HEMK2: variants seen among roughly 807,000 people sequenced by gnomAD.
HEMK2 encodes the protein methyltransferase HEMK2.
chr21:28,716,410 G>T, the HEMK2 span, among the ~76,000 whole-genome samples: 1 of 152,108 alleles, frequency 6.6e-6, no homozygotes, highest in African/African-American at 2.4e-5. Flanking sequence ...AAATGGAATT[G>T]TGTTCTTGAT....
chr21:28,698,056 T>C, the HEMK2 span, among the ~76,000 whole-genome samples: 2 of 152,222 alleles, frequency 1.3e-5, no homozygotes, highest in Non-Finnish European at 2.9e-5. Flanking sequence ...TATAAGGAGA[T>C]GGATCTCACT....
At chr21:28,823,638 G>A in the HEMK2 span, among the ~76,000 whole-genome samples, 1 of 152,164 alleles carries the variant, frequency 6.6e-6, no homozygotes. Flanking sequence ...CTATAGAGAT[G>A]TATACTGAGC....
chr21:28,628,365 G>A, the HEMK2 span, among the ~76,000 whole-genome samples: 18 of 152,114 alleles, frequency 1.2e-4, no homozygotes, highest in Admixed American at 1.1e-3. Flanking sequence ...GTTAAGAATT[G>A]CTTGTTTTGA....
the HEMK2 span, among the ~76,000 whole-genome samples, chr21:28,759,894 C>T: frequency 2.6e-5 from 4 of 152,238 alleles, no homozygotes; most frequent in South Asian, 2.1e-4. Flanking sequence ...TACCCAGTCT[C>T]GGATATGTCT....
the HEMK2 span, among the ~76,000 whole-genome samples, chr21:28,784,995 A>G: frequency 6.6e-6 from 1 of 152,102 alleles, no homozygotes; most frequent in African/African-American, 2.4e-5. Flanking sequence ...GAGACCATGA[A>G]CCCACTGGGA....
the HEMK2 span, among the ~76,000 whole-genome samples, chr21:28,601,155 C>T: frequency 2.0e-5 from 3 of 152,178 alleles, no homozygotes; most frequent in Non-Finnish European, 4.4e-5. Flanking sequence ...CATCCTCATG[C>T]TCCATCCCAG....
the HEMK2 span, among the ~76,000 whole-genome samples, chr21:28,827,010 T>C: frequency 5.9e-5 from 9 of 152,014 alleles, no homozygotes; most frequent in South Asian, 2.1e-4. Flanking sequence ...GTGGAGAAGA[T>C]TGAAAATCTC....
the HEMK2 span, among the ~76,000 whole-genome samples, chr21:28,712,978 T>C: frequency 6.6e-6 from 1 of 152,158 alleles, no homozygotes; most frequent in Non-Finnish European, 1.5e-5. Context: ...GAAAATAAGA[T>C]TTTAGGCAAA....
chr21:28,634,449 G>A, the HEMK2 span, among the ~76,000 whole-genome samples: 6 of 152,166 alleles, frequency 3.9e-5, no homozygotes, highest in South Asian at 2.1e-4. Flanking sequence ...GGATATGCAC[G>A]CATAGCACAG....
chr21:28,618,799 CTTA>C, the HEMK2 span, among the ~76,000 whole-genome samples: 4 of 152,278 alleles, frequency 2.6e-5, no homozygotes, highest in East Asian at 1.9e-4. Flanking sequence ...ACTTTTTACA[CTTA>C]TTAGTGTGAC....
At chr21:28,761,974 C>T in the HEMK2 span, among the ~76,000 whole-genome samples, 1 of 152,186 alleles carries the variant, frequency 6.6e-6, no homozygotes, top group African/African-American at 2.4e-5. Context: ...TGATATACTT[C>T]CAAATGTGTT....
chr21:28,705,736 G>A, the HEMK2 span, among the ~76,000 whole-genome samples: 1 of 152,122 alleles, frequency 6.6e-6, no homozygotes, highest in African/African-American at 2.4e-5. Context: ...GTGTCTGCAG[G>A]ACTGTGTTCC....
chr21:28,735,506 G>A, the HEMK2 span, among the ~76,000 whole-genome samples: 1 of 152,078 alleles, frequency 6.6e-6, no homozygotes, highest in East Asian at 1.9e-4. Flanking sequence ...AGACAGTCAG[G>A]GTATGTCAAG....
chr21:28,581,257 G>A, the HEMK2 span, among the ~76,000 whole-genome samples: 2 of 151,626 alleles, frequency 1.3e-5, no homozygotes, highest in Non-Finnish European at 2.9e-5. Context: ...AGGCAGCAAG[G>A]AACAAAAGAA....
the HEMK2 span, among the ~76,000 whole-genome samples, chr21:28,755,026 T>TA: frequency 2.6e-5 from 4 of 152,038 alleles, no homozygotes; most frequent in African/African-American, 4.8e-5. Context: ...TCAGAGTAGA[T>TA]AGAGTTGGCC....
the HEMK2 span, among the ~76,000 whole-genome samples, chr21:28,602,923 C>G: frequency 6.6e-6 from 1 of 152,184 alleles, no homozygotes; most frequent in Non-Finnish European, 1.5e-5. Flanking sequence ...ATCCCTTTTG[C>G]CATTTCTGTA....
chr21:28,876,780 G>A, the HEMK2 span, among the ~76,000 whole-genome samples: 3 of 152,074 alleles, frequency 2.0e-5, no homozygotes, highest in Non-Finnish European at 4.4e-5. Flanking sequence ...ATTATAGCAA[G>A]TGATCAGTTT....
At chr21:28,857,269 C>A in the HEMK2 span, among the ~76,000 whole-genome samples, 9 of 150,846 alleles carry the variant, frequency 6.0e-5, no homozygotes, top group Admixed American at 1.3e-4. Context: ...TAAAAAAAAA[C>A]ACAAACTACA....
chr21:28,734,881 C>T, the HEMK2 span, among the ~76,000 whole-genome samples: 1 of 152,202 alleles, frequency 6.6e-6, no homozygotes, highest in Admixed American at 6.5e-5. Flanking sequence ...ACAACAATCA[C>T]TTGCATAACT....
Sources: gnomAD v4.1 joint callset for allele counts (sites outside exome capture counted in the v4.1 genomes callset) on GRCh38, gnomAD v4.1.1 for gene constraint, MANE v1.5 for transcripts, NCBI Gene and HGNC (gene_info 2026-07-23, HGNC 2026-07-21) for gene names.